The following EHBP1L1 variants were observed in gnomAD, a reference collection of about 807,000 sequenced individuals.
EHBP1L1 encodes EH domain binding protein 1 like 1.
Under a neutral mutation model 151.1 loss-of-function variants are expected in EHBP1L1, and 122 were observed. The observed-to-expected ratio is 0.81, with a 90% CI of 0.70 to 0.94. The LOEUF (loss-of-function observed/expected upper bound fraction) is 0.94, where lower values mean the gene tolerates loss of function less well. Ranked by LOEUF, EHBP1L1 falls within the 40% of genes least tolerant of loss-of-function variation. The probability of loss-of-function intolerance (pLI) is 0.00; values close to 1 mark genes in which losing one functional copy is unlikely to be tolerated. For missense variants in EHBP1L1, 1,941 were observed against 1,959.8 expected, an observed-to-expected ratio of 0.99 and a Z score of 0.18; for synonymous variants, 878 against 810.1, an observed-to-expected ratio of 1.08 and a Z score of -1.42.
Position 65,583,397 on chromosome 11 carries a change from C to T in EHBP1L1, c.2725C>T (p.Pro909Ser). 2 of 1,613,384 alleles carry T rather than the reference C, an allele frequency of 1.2e-6. No homozygotes were observed. The highest frequency in any genetic ancestry group is 2.2e-5 in the South Asian group (2 of 91,044). Reference protein sequence around the residue: ...YEALRAPVTQPRVLGSQEAKA... With the variant: ...YEALRAPVTQSRVLGSQEAKA... ...GGCTTTAAGGGCCCCAGTCACTCAGCCAAGAGTTTTAGGATCCCAGGAAGC... is the reference window on the plus strand; with the variant it reads ...GGCTTTAAGGGCCCCAGTCACTCAGTCAAGAGTTTTAGGATCCCAGGAAGC... The change falls in exon 9 of 19, where the codon CCA (proline) becomes TCA (serine). Residue 909 changes from proline to serine, a missense_variant. Pro to Ser is a moderately conservative substitution (Grantham distance 74). Coordinates refer to ENST00000309295, the MANE Select transcript of EHBP1L1 (RefSeq NM_001099409.3).
intron 6 of EHBP1L1, 28 bp downstream of exon 6, chr11:65,580,507 G>C: frequency 6.2e-7 from 1 of 1,602,564 alleles, no homozygotes; most frequent in Non-Finnish European, 8.5e-7. Flanking sequence ...TGTGGATCGA[G>C]ACTGCCAAGA....
chr11:65,587,262 A>G (rs1858019476), intron 12 of EHBP1L1, among the ~76,000 whole-genome samples: 1 of 151,966 alleles, frequency 6.6e-6, no homozygotes, highest in Non-Finnish European at 1.5e-5. Flanking sequence ...AGTCCCAGCT[A>G]CTCAGGAGGC....
Position 65,582,545 on chromosome 11 carries a change from A to T in EHBP1L1, c.1873A>T (p.Thr625Ser), listed in dbSNP as rs1857676105. Residue 625 changes from threonine (T) to serine (S), a missense_variant, in exon 9 of 19, where the codon ACA (threonine) becomes TCA (serine). Coordinates refer to ENST00000309295, the MANE Select transcript of EHBP1L1 (RefSeq NM_001099409.3). Reference protein sequence around the residue: ...SRVLESEVAGTAQCEGLETQE... With the variant: ...SRVLESEVAGSAQCEGLETQE... ...GGTCCTGGAGTCAGAGGTTGCTGGG[A>T]CAGCACAGTGTGAGGGACTGGAGAC... 1 of 1,613,360 alleles carries T rather than the reference A, an allele frequency of 6.2e-7. No individual in the cohort carries two copies. Among genetic ancestry groups the T allele is most frequent in the Non-Finnish European group, 8.5e-7 (1 of 1,179,836 alleles).
Position 65,582,827 on chromosome 11 carries a change from A to T in EHBP1L1, c.2155A>T (p.Thr719Ser). 1.2e-6 allele frequency: 2 copies of T among 1,612,894 alleles called. No individual in the cohort carries two copies. The highest frequency in any genetic ancestry group is 1.7e-6 in the Non-Finnish European group (2 of 1,179,624). The change falls in exon 9 of 19, where the codon ACA (threonine) becomes TCA (serine). Residue 719 changes from threonine (T) to serine (S), a missense_variant. Coordinates refer to ENST00000309295, the MANE Select transcript of EHBP1L1 (RefSeq NM_001099409.3). ...SRVPESEAEGTEAKILGTQEI... is the reference protein window; with the variant it reads ...SRVPESEAEGSEAKILGTQEI... Reference sequence around the variant, plus strand: ...GGTACCAGAGTCAGAGGCTGAGGGGACAGAAGCTAAAATATTAGGGACCCA... The same window carrying T: ...GGTACCAGAGTCAGAGGCTGAGGGGTCAGAAGCTAAAATATTAGGGACCCA...
intron 6 of EHBP1L1, 22 bp downstream of exon 6, chr11:65,580,501 G>T: frequency 6.2e-7 from 1 of 1,605,842 alleles, no homozygotes. Context: ...GCCTGCTGTG[G>T]ATCGAGACTG....
In EHBP1L1 at chr11:65,582,710, G is replaced by C. The variant is rs762098721; in HGVS notation, c.2038G>C (p.Glu680Gln). 6.2e-7 allele frequency: 1 copy of C among 1,613,654 alleles called. No homozygotes were observed. The stretch of plus-strand genomic sequence containing the variant: ...AGAGACTGAGGTACTGGTGACCCAG[G>C]AGATATCTGGGGATTTAGGGCCACT... ...IAETEVLVTQ[E>Q]ISGDLGPLKI... The change falls in exon 9 of 19, where the codon GAG becomes CAG. Residue 680 changes from glutamate to glutamine, a missense_variant. Physicochemically the swap from Glu to Gln is conservative, Grantham distance 29. Coordinates refer to ENST00000309295, the MANE Select transcript of EHBP1L1 (RefSeq NM_001099409.3).
At position 65,590,214 on chromosome 11, in the gene EHBP1L1, G is replaced by A. The variant is rs764656031; in HGVS notation, c.4183+4G>A. 1 of 1,612,888 alleles carries A rather than the reference G, an allele frequency of 6.2e-7. No individual in the cohort carries two copies. The highest frequency in any genetic ancestry group is 1.7e-4 in the Middle Eastern group (1 of 5,828). ...CTGAGGAGCCTCATGGAGTCAGGTGGGGCATACATCTAGGGATCCCTTCCC... is the reference window on the plus strand; with the variant it reads ...CTGAGGAGCCTCATGGAGTCAGGTGAGGCATACATCTAGGGATCCCTTCCC... On this transcript the variant is annotated splice_donor_region_variant and intron_variant, in intron 15 of 18. Transcript: ENST00000309295.
At chr11:65,584,620 C>G in intron 11 of EHBP1L1, 86 bp downstream of exon 11, 1 of 1,527,666 alleles carries the variant, frequency 6.5e-7, no homozygotes, top group Non-Finnish European at 8.9e-7. Context: ...AGTGGACTGC[C>G]GGGCCCAGCA....
In EHBP1L1 at chr11:65,592,240, G is replaced by T; in HGVS notation, c.4510G>T (p.Glu1504Ter). The T allele has an allele frequency of 6.5e-7, 1 of 1,536,416 alleles. No individual in the cohort carries two copies. Among genetic ancestry groups the T allele is most frequent in the South Asian group, 1.2e-5 (1 of 84,536 alleles). The change falls in exon 19 of 19, where the codon GAA becomes TAA. Residue 1504 changes from glutamate (E) to a stop codon, truncating the protein, a stop_gained. Coordinates refer to ENST00000309295, the MANE Select transcript of EHBP1L1 (RefSeq NM_001099409.3). LOFTEE classifies it high-confidence loss of function. ...GGACGAGCGCCTGGAGCGCGGCCTGGAACAGCGGCGCCGCAAGCTGAGCCG... is the reference window on the plus strand; with the variant it reads ...GGACGAGCGCCTGGAGCGCGGCCTGTAACAGCGGCGCCGCAAGCTGAGCCG... ...EEDERLERGL[E>*]QRRRKLSRQL...
At chr11:65,588,230 C>T (rs1342307368) in intron 12 of EHBP1L1, among the ~76,000 whole-genome samples, 3 of 151,972 alleles carry the variant, frequency 2.0e-5, no homozygotes, top group South Asian at 2.1e-4. Flanking sequence ...GTGGAGGTCA[C>T]GTTGGTACCA....
rs753904925 is a variant in EHBP1L1 at position 65,580,243 on chromosome 11, C to T, written c.475C>T (p.Arg159Trp). ...LSLTLSGVLL[R>W]EGRATDDDMQ... ...CCTCACTCTTTCCGGGGTGCTGCTG[C>T]GGGAGGGCCGTGCCACGTGAGTGCC... The change falls in exon 5 of 19, where the codon CGG becomes TGG. Residue 159 changes from arginine to tryptophan, a missense_variant. Physicochemically the swap from Arg to Trp is moderately radical, Grantham distance 101. Coordinates refer to ENST00000309295, the MANE Select transcript of EHBP1L1 (RefSeq NM_001099409.3). The T allele has an allele frequency of 5.6e-6, 9 of 1,613,266 alleles. No homozygotes were observed. The highest frequency in any genetic ancestry group is 1.7e-5 in the Admixed American group (1 of 59,998).
In EHBP1L1 at chr11:65,580,418, T is replaced by G; in HGVS notation, c.573T>G (p.Ser191Arg). The G allele has an allele frequency of 6.2e-7, 1 of 1,613,202 alleles. No individual in the cohort carries two copies. The highest frequency in any genetic ancestry group is 8.5e-7 in the Non-Finnish European group (1 of 1,179,734). The change falls in exon 6 of 19, where the codon AGT (serine) becomes AGG (arginine). Residue 191 changes from serine to arginine, a missense_variant. Transcript: ENST00000309295. Reference sequence around the variant, plus strand: ...GCAACTTGGATGACTTTGCTGAGAGTGATGAAGATGAGGCTCATGGCCCAG... The same window carrying G: ...GCAACTTGGATGACTTTGCTGAGAGGGATGAAGATGAGGCTCATGGCCCAG... Reference protein sequence around the residue: ...DVGNLDDFAESDEDEAHGPGA... With the variant: ...DVGNLDDFAERDEDEAHGPGA...
At position 65,582,439 on chromosome 11, in the gene EHBP1L1, T is replaced by C; in HGVS notation, c.1767T>C (p.Val589=). 1.2e-6 allele frequency: 2 copies of C among 1,609,792 alleles called. No homozygotes were observed. The highest frequency in any genetic ancestry group is 1.7e-6 in the Non-Finnish European group (2 of 1,178,890). Residue 589 remains valine (V), a synonymous_variant, in exon 9 of 19, where the codon GTT becomes GTC. Coordinates refer to ENST00000309295, the MANE Select transcript of EHBP1L1 (RefSeq NM_001099409.3). The part of the protein sequence containing the change: ...LEVLGTQEKE[V]EGSGFPETRT... ...TGCTGGGAACCCAGGAGAAAGAAGTTGAGGGGTCAGGGTTCCCAGAGACTA... is the reference window on the plus strand; with the variant it reads ...TGCTGGGAACCCAGGAGAAAGAAGTCGAGGGGTCAGGGTTCCCAGAGACTA...
In EHBP1L1 at chr11:65,576,195, G is replaced by C. The variant is rs940138692; in HGVS notation, c.-108G>C. On this transcript the variant is annotated 5_prime_UTR_variant, in exon 1 of 19. Transcript: ENST00000309295. The stretch of plus-strand genomic sequence containing the variant: ...GTCGGAGCCTGGGACACCTCCGCAC[G>C]GACGGGGCGGGCGGCGCGGACAGGC... 6 of 981,144 alleles carry C rather than the reference G, an allele frequency of 6.1e-6. No homozygotes were observed. Among genetic ancestry groups the C allele is most frequent in the Non-Finnish European group, 8.2e-6 (6 of 730,226 alleles). 60.8% of individuals were successfully genotyped at this position (981,144 alleles called of 1,614,324 possible). A position where few individuals can be genotyped will look rare whatever the true frequency, so the allele number is the denominator to read the frequency against.
chr11:65,577,038 C>T (rs566640274), intron 1 of EHBP1L1, among the ~76,000 whole-genome samples: 4 of 152,248 alleles, frequency 2.6e-5, no homozygotes, highest in Admixed American at 1.3e-4. Context: ...GAGAGGGTTG[C>T]GGAGGGCAAG....
chr11:65,591,677 C>T (rs936935076), intron 16 of EHBP1L1, 123 bp from the exon 17 acceptor site: 2 of 782,954 alleles, frequency 2.6e-6, no homozygotes, highest in East Asian at 2.7e-5. Flanking sequence ...TCAGCCCTGC[C>T]CTCGGGAACT....
Position 65,592,512 on chromosome 11 carries a change from G to A in EHBP1L1, c.*210G>A. On this transcript the variant is annotated 3_prime_UTR_variant, in exon 19 of 19. Transcript: ENST00000309295. ...TATTTGTCACCGAGGGTGTGTGCGC[G>A]CTCGCGGCGGGTGCGGGGTCCTCCC... 1 of 224,822 alleles carries A rather than the reference G, an allele frequency of 4.4e-6. No homozygotes were observed. The highest frequency in any genetic ancestry group is 8.1e-6 in the Non-Finnish European group (1 of 123,576). 13.9% of individuals were successfully genotyped at this position (224,822 alleles called of 1,614,324 possible). A position where few individuals can be genotyped will look rare whatever the true frequency, so the allele number is the denominator to read the frequency against.
chr11:65,584,994 G>C lies in EHBP1L1; in HGVS notation c.3336G>C (p.Arg1112=). Residue 1112 remains arginine (R), a synonymous_variant, in exon 12 of 19, where the codon CGG becomes CGC. Coordinates refer to ENST00000309295, the MANE Select transcript of EHBP1L1 (RefSeq NM_001099409.3). ...FDGFAALGVS[R]LLEPADMVLL... The stretch of plus-strand genomic sequence containing the variant: ...GCTTCGCGGCTCTGGGCGTGTCGCG[G>C]CTGCTGGAGCCCGCGGACATGGTGC... The C allele has an allele frequency of 1.3e-6, 2 of 1,534,592 alleles. No homozygotes were observed. The highest frequency in any genetic ancestry group is 1.7e-6 in the Non-Finnish European group (2 of 1,146,410).
rs1339727774 is a variant in EHBP1L1, at chr11:65,583,195, C to T, written c.2523C>T (p.Ala841=). Residue 841 remains alanine, a synonymous_variant, in exon 9 of 19, where the codon GCC becomes GCT. Coordinates refer to ENST00000309295, the MANE Select transcript of EHBP1L1 (RefSeq NM_001099409.3). ...VPGLESEVAG[A]QETEVGGSGI... is the part of the protein sequence containing the mutation. ...GGCTAGAATCTGAGGTAGCTGGGGC[C>T]CAGGAGACAGAGGTCGGGGGTTCAG... The T allele has an allele frequency of 6.2e-7, 1 of 1,613,344 alleles. No individual in the cohort carries two copies. Among genetic ancestry groups the T allele is most frequent in the Non-Finnish European group, 8.5e-7 (1 of 1,179,810 alleles).
Sources: allele counts gnomAD v4.1 joint callset (sites outside exome capture counted in the v4.1 genomes callset), GRCh38; gene constraint gnomAD v4.1.1; transcripts MANE v1.5; gene names NCBI Gene and HGNC (gene_info 2026-07-23, HGNC 2026-07-21).